The following MB21D2 variants were observed in gnomAD, a reference collection of about 807,000 sequenced individuals.
MB21D2 encodes Mab-21 domain containing 2.
In MB21D2, 9 loss-of-function variants were observed where a neutral mutation model predicts 33.3. The ratio of observed to expected loss-of-function variants is 0.27; its 90% CI spans 0.16 to 0.47. The LOEUF (loss-of-function observed/expected upper bound fraction) is 0.47, where lower values mean the gene tolerates loss of function less well. Among genes scored for constraint, MB21D2 ranks in the 20% least tolerant of loss-of-function variants. MB21D2 has a pLI of 0.99. For missense variants in MB21D2, 540 were observed against 624.6 expected (o/e 0.86, Z 1.44); for synonymous variants, 241 against 236.3 (o/e 1.02, Z -0.18).
chr3:192,856,194 G>A (rs1712912596), intron 1 of MB21D2, among the ~76,000 whole-genome samples: 1 of 152,144 alleles, frequency 6.6e-6, no homozygotes, highest in Admixed American at 6.5e-5. Flanking sequence ...CATTCAGAGG[G>A]GACACTCTGG....
intron 1 of MB21D2, among the ~76,000 whole-genome samples, chr3:192,851,057 G>A (rs1237510124): frequency 6.6e-6 from 1 of 152,118 alleles, no homozygotes; most frequent in Non-Finnish European, 1.5e-5. Context: ...CACCTATGAA[G>A]TAATTATGAA....
chr3:192,835,280 C>T (rs2108622681), intron 1 of MB21D2, among the ~76,000 whole-genome samples: 1 of 150,088 alleles, frequency 6.7e-6, no homozygotes, highest in East Asian at 2.0e-4. Flanking sequence ...CGGTGAAACA[C>T]CGTCTCTACA....
intron 1 of MB21D2, among the ~76,000 whole-genome samples, chr3:192,801,513 T>G (rs551719871): frequency 6.6e-6 from 1 of 152,322 alleles, no homozygotes; most frequent in African/African-American, 2.4e-5. Flanking sequence ...TATTAGGAGC[T>G]GGGGCCTGTG....
intron 1 of MB21D2, among the ~76,000 whole-genome samples, chr3:192,861,341 A>C (rs941690216): frequency 1.3e-5 from 2 of 152,208 alleles, no homozygotes; most frequent in African/African-American, 4.8e-5. Context: ...TTAGTACCCA[A>C]GTGTCACAGG....
At chr3:192,888,447 C>A (rs1362118356) in intron 1 of MB21D2, among the ~76,000 whole-genome samples, 1 of 152,094 alleles carries the variant, frequency 6.6e-6, no homozygotes, top group African/African-American at 2.4e-5. Context: ...TCCTAAGCAA[C>A]CATCAACATC....
chr3:192,879,748 T>C (rs1276114399), intron 1 of MB21D2, among the ~76,000 whole-genome samples: 2 of 152,254 alleles, frequency 1.3e-5, no homozygotes, highest in East Asian at 3.8e-4. Context: ...AAATCTTTCA[T>C]TGATTAATGT....
chr3:192,850,609 T>C (rs1356836728), intron 1 of MB21D2, among the ~76,000 whole-genome samples: 6 of 152,114 alleles, frequency 3.9e-5, no homozygotes, highest in Non-Finnish European at 4.4e-5. Flanking sequence ...CACATACACG[T>C]CTGAAAACCT....
intron 1 of MB21D2, among the ~76,000 whole-genome samples, chr3:192,901,592 T>C (rs1467240186): frequency 6.6e-6 from 1 of 152,126 alleles, no homozygotes; most frequent in African/African-American, 2.4e-5. Flanking sequence ...TTCAATGCTT[T>C]AAAACAAGTC....
chr3:192,908,744 A>C (rs1466868927), intron 1 of MB21D2, among the ~76,000 whole-genome samples: 1 of 151,964 alleles, frequency 6.6e-6, no homozygotes, highest in Non-Finnish European at 1.5e-5. Context: ...AAAGACATAT[A>C]GGAAGGCTTC....
At chr3:192,892,954 G>A (rs1217537560) in intron 1 of MB21D2, among the ~76,000 whole-genome samples, 2 of 152,174 alleles carry the variant, frequency 1.3e-5, no homozygotes, top group African/African-American at 4.8e-5. Flanking sequence ...TGAGCAGTAA[G>A]TATTTAAAGA....
chr3:192,803,195 T>C (rs1443955304), intron 1 of MB21D2, among the ~76,000 whole-genome samples: 1 of 152,184 alleles, frequency 6.6e-6, no homozygotes, highest in African/African-American at 2.4e-5. Flanking sequence ...TTTTCACTTG[T>C]CAATATACAC....
At chr3:192,805,535 T>C (rs1421108187) in intron 1 of MB21D2, among the ~76,000 whole-genome samples, 7 of 152,198 alleles carry the variant, frequency 4.6e-5, no homozygotes, top group African/African-American at 7.2e-5. Flanking sequence ...AATATATATA[T>C]AGTAACAGGG....
At chr3:192,806,192 T>C (rs1221032049) in intron 1 of MB21D2, among the ~76,000 whole-genome samples, 1 of 152,218 alleles carries the variant, frequency 6.6e-6, no homozygotes, top group Non-Finnish European at 1.5e-5. Context: ...TGACCTGAAC[T>C]AAATTAGCAC....
At chr3:192,878,081 CTTTTTT>C (rs11294126) in intron 1 of MB21D2, among the ~76,000 whole-genome samples, 9 of 119,532 alleles carry the variant, frequency 7.5e-5, no homozygotes, top group Non-Finnish European at 1.3e-4. Flanking sequence ...AATTCCTCCT[CTTTTTT>C]TTTTTTTTTT....
chr3:192,850,327 T>G (rs552837733), intron 1 of MB21D2, among the ~76,000 whole-genome samples: 2 of 152,256 alleles, frequency 1.3e-5, no homozygotes, highest in African/African-American at 4.8e-5. Context: ...TAGCTCCTAG[T>G]AGAATCTAGA....
At chr3:192,804,514 CTTATAA>C (rs1438612598) in intron 1 of MB21D2, among the ~76,000 whole-genome samples, 1 of 151,670 alleles carries the variant, frequency 6.6e-6, no homozygotes, top group Non-Finnish European at 1.5e-5. Flanking sequence ...ATTTTTATGT[CTTATAA>C]TTAAAGTTAC....
At chr3:192,812,712 G>A (rs1241229811) in intron 1 of MB21D2, among the ~76,000 whole-genome samples, 2 of 152,108 alleles carry the variant, frequency 1.3e-5, no homozygotes, top group African/African-American at 4.8e-5. Flanking sequence ...GTTCTTTGAG[G>A]ATAATTTAGC....
At chr3:192,830,873 G>A (rs1341172778) in intron 1 of MB21D2, among the ~76,000 whole-genome samples, 2 of 152,170 alleles carry the variant, frequency 1.3e-5, no homozygotes, top group African/African-American at 2.4e-5. Flanking sequence ...TGCTAGAAAG[G>A]AACAGAAATC....
At chr3:192,885,594 T>G (rs1381963583) in intron 1 of MB21D2, among the ~76,000 whole-genome samples, 1 of 152,010 alleles carries the variant, frequency 6.6e-6, no homozygotes, top group East Asian at 1.9e-4. Context: ...AGAAGCTCCT[T>G]CTCAATCATC....
Sources: gnomAD v4.1 joint callset for allele counts (sites outside exome capture counted in the v4.1 genomes callset) on GRCh38, gnomAD v4.1.1 for gene constraint, MANE v1.5 for transcripts, NCBI Gene and HGNC (gene_info 2026-07-23, HGNC 2026-07-21) for gene names.